The following C19orf12 variants were observed in gnomAD, a reference collection of about 807,000 sequenced individuals.
The protein encoded by C19orf12 is chromosome 19 open reading frame 12.
A neutral mutation model predicts 3.8 loss-of-function variants in C19orf12; 2 were observed. The ratio of observed to expected loss-of-function variants is 0.53; its 90% CI spans 0.22 to 1.66. The LOEUF (loss-of-function observed/expected upper bound fraction) is 1.66, where lower values mean the gene tolerates loss of function less well. Among genes scored for constraint, C19orf12 ranks in the 40% most tolerant of loss-of-function variants. The pLI, the probability that C19orf12 is intolerant of heterozygous loss-of-function variation, is 0.20. For synonymous variants in C19orf12, 89 were observed against 84.6 expected (o/e 1.05, Z -0.28); for missense variants, 156 against 188.8 (o/e 0.83, Z 1.02).
At chr19:29,708,968 C>G (rs1972523366) in intron 1 of C19orf12, among the ~76,000 whole-genome samples, 1 of 152,220 alleles carries the variant, frequency 6.6e-6, no homozygotes, top group African/African-American at 2.4e-5. Flanking sequence ...ACAGGCTGGA[C>G]TCTCAGACAG....
intron 2 of C19orf12, among the ~76,000 whole-genome samples, chr19:29,706,834 C>T (rs919224498): frequency 6.6e-6 from 1 of 152,224 alleles, no homozygotes; most frequent in Non-Finnish European, 1.5e-5. Context: ...GGCAGGAACC[C>T]GGCCAGCGAG....
intron 1 of C19orf12, among the ~76,000 whole-genome samples, chr19:29,709,733 T>C (rs1455434803): frequency 6.6e-6 from 1 of 152,038 alleles, no homozygotes; most frequent in Non-Finnish European, 1.5e-5. Flanking sequence ...GACTACTATG[T>C]TGCCCAGGCT....
At chr19:29,704,483 T>C (rs1972274162) in intron 2 of C19orf12, among the ~76,000 whole-genome samples, 1 of 152,132 alleles carries the variant, frequency 6.6e-6, no homozygotes, top group South Asian at 2.1e-4. Context: ...AAAATAAATA[T>C]CAAATGTAAG....
chr19:29,704,211 T>A (rs1972261458), intron 2 of C19orf12, among the ~76,000 whole-genome samples: 1 of 152,186 alleles, frequency 6.6e-6, no homozygotes, highest in Non-Finnish European at 1.5e-5. Context: ...GGCTCACGCC[T>A]GTAATCCCAG....
Position 29,701,150 on chromosome 19 carries a change from G to T in C19orf12, c.*1562C>A. 2.2e-6 allele frequency: 1 copy of T among 454,154 alleles called. No individual in the cohort carries two copies. The highest frequency in any genetic ancestry group is 1.6e-5 in the South Asian group (1 of 64,484). The allele number at this position is 454,154 out of a possible 1,614,324, so 28.1% of individuals were successfully genotyped here. A position where few individuals can be genotyped will look rare whatever the true frequency, so the allele number is the denominator to read the frequency against. ...ATTAGAGATATTTTACACATAATAT[G>T]TGGGAAAATGGCTTTTTAGAAAAAC... On this transcript the variant is annotated 3_prime_UTR_variant, in exon 3 of 3. Transcript: ENST00000323670.
chr19:29,707,234 G>A (rs554454232), intron 2 of C19orf12, among the ~76,000 whole-genome samples: 110 of 152,290 alleles, frequency 7.2e-4, no homozygotes, highest in Middle Eastern at 3.4e-3. Flanking sequence ...GCACACACCC[G>A]TAGTCCCAGC....
chr19:29,707,877 T>A (rs2145637993), intron 2 of C19orf12, among the ~76,000 whole-genome samples: 1 of 151,468 alleles, frequency 6.6e-6, no homozygotes, highest in East Asian at 1.9e-4. Flanking sequence ...TTTCCTTTTT[T>A]TTTTTTTTCT....
At chr19:29,704,917 A>G (rs1161146705) in intron 2 of C19orf12, among the ~76,000 whole-genome samples, 6 of 152,220 alleles carry the variant, frequency 3.9e-5, no homozygotes, top group Admixed American at 3.9e-4. Flanking sequence ...ACGCCAGTTC[A>G]TTGCTACCAC....
intron 1 of C19orf12, among the ~76,000 whole-genome samples, chr19:29,708,918 G>A (rs1324682116): frequency 6.6e-6 from 1 of 152,246 alleles, no homozygotes; most frequent in Non-Finnish European, 1.5e-5. Flanking sequence ...GCCCTGAGCA[G>A]AGGGTCAGAT....
Position 29,702,463 on chromosome 19 carries a change from C to A in C19orf12, c.*249G>T. 1.5e-6 allele frequency: 1 copy of A among 689,152 alleles called. No homozygotes were observed. The highest frequency in any genetic ancestry group is 2.6e-6 in the Non-Finnish European group (1 of 381,048). 42.7% of individuals were successfully genotyped at this position (689,152 alleles called of 1,614,324 possible). On this transcript the variant is annotated 3_prime_UTR_variant, in exon 3 of 3. Transcript: ENST00000323670. ...GCGGCAGGCAGGCCTTTACTCTTCA[C>A]TGGGGGGCCAGTCAGAGGGCTGTCA...
intron 2 of C19orf12, among the ~76,000 whole-genome samples, chr19:29,707,033 C>A (rs1228187823): frequency 6.6e-6 from 1 of 152,216 alleles, no homozygotes; most frequent in Admixed American, 6.5e-5. Context: ...AACTTTCATT[C>A]ATTGCCTGAA....
chr19:29,714,701 C>T (rs1599557561), intron 1 of C19orf12, among the ~76,000 whole-genome samples: 1 of 128,472 alleles, frequency 7.8e-6, no homozygotes, highest in African/African-American at 3.0e-5. Flanking sequence ...CCTGCCCCAC[C>T]AGCCACCCCC....
intron 2 of C19orf12, among the ~76,000 whole-genome samples, chr19:29,703,292 G>A (rs1317527560): frequency 6.6e-6 from 1 of 152,024 alleles, no homozygotes; most frequent in Admixed American, 6.5e-5. Flanking sequence ...TTCATGAGCT[G>A]ACGGAGGTTT....
At chr19:29,708,779 G>A (rs549928215) in intron 1 of C19orf12, 26 of 369,132 alleles carry the variant, frequency 7.0e-5, no homozygotes, top group Middle Eastern at 9.4e-4. Flanking sequence ...GCACTGGCCC[G>A]GGGAATGCCC....
rs566675617 is a variant in C19orf12, at chr19:29,702,674, T to A, written c.*38A>T. 38 of 1,611,138 alleles carry A rather than the reference T, an allele frequency of 2.4e-5. No individual in the cohort carries two copies. In the Middle Eastern group the frequency reaches 1.5e-3, roughly 63 times the overall value. On this transcript the variant is annotated 3_prime_UTR_variant, in exon 3 of 3. Transcript: ENST00000323670. ...AAGCCACCTCTTCAGAATCACAGAGTCATTTAAAGGGGCCCCCCACCTCCC... is the reference window on the plus strand; with the variant it reads ...AAGCCACCTCTTCAGAATCACAGAGACATTTAAAGGGGCCCCCCACCTCCC...
rs1321225534 is a variant in C19orf12 at position 29,702,371 on chromosome 19, CG to C, written c.*340del. ...GGAGGATGAAGTGTGGTCAGACCGTCGGCTGAGCGTGATCACTTCCCCAGAC... is the reference window on the plus strand; with the variant it reads ...GGAGGATGAAGTGTGGTCAGACCGTCGCTGAGCGTGATCACTTCCCCAGAC... On this transcript the variant is annotated 3_prime_UTR_variant, in exon 3 of 3. Coordinates refer to ENST00000323670, the MANE Select transcript of C19orf12 (RefSeq NM_031448.6). The C allele has an allele frequency of 5.8e-6, 3 of 519,536 alleles. No individual in the cohort carries two copies. The highest frequency in any genetic ancestry group is 1.1e-5 in the Non-Finnish European group (3 of 270,142). 32.2% of individuals were successfully genotyped at this position (519,536 alleles called of 1,614,324 possible). A position where few individuals can be genotyped will look rare whatever the true frequency, so the allele number is the denominator to read the frequency against.
At chr19:29,703,981 C>T (rs1023468413) in intron 2 of C19orf12, among the ~76,000 whole-genome samples, 1 of 151,802 alleles carries the variant, frequency 6.6e-6, no homozygotes, top group Non-Finnish European at 1.5e-5. Flanking sequence ...CAGAGCAAGA[C>T]TCTGTCTCCA....
At chr19:29,704,528 G>C (rs1439283197) in intron 2 of C19orf12, among the ~76,000 whole-genome samples, 1 of 152,200 alleles carries the variant, frequency 6.6e-6, no homozygotes, top group African/African-American at 2.4e-5. Context: ...CACCCTAAAA[G>C]GGCAGAAACA....
At position 29,700,332 on chromosome 19, in the gene C19orf12, C is replaced by G. The variant is rs1972019797; in HGVS notation, c.*2380G>C. 1 of 454,004 alleles carries G rather than the reference C, an allele frequency of 2.2e-6. No homozygotes were observed. The highest frequency in any genetic ancestry group is 4.4e-6 in the Non-Finnish European group (1 of 226,806). The allele number at this position is 454,004 out of a possible 1,614,324, so 28.1% of individuals were successfully genotyped here. ...CATTTGTTCAACATGGAAAAAGTGT[C>G]CCCCAACTTTGAAGCACTGAACCAA... On this transcript the variant is annotated 3_prime_UTR_variant, in exon 3 of 3. Transcript: ENST00000323670.
Sources: gnomAD v4.1 joint callset for allele counts (sites outside exome capture counted in the v4.1 genomes callset) on GRCh38, gnomAD v4.1.1 for gene constraint, MANE v1.5 for transcripts, NCBI Gene and HGNC (gene_info 2026-07-23, HGNC 2026-07-21) for gene names.